PTGER3: variants seen among roughly 807,000 people sequenced by gnomAD.
The protein encoded by PTGER3 is prostaglandin E2 receptor EP3 subtype.
Under a neutral mutation model 34.7 loss-of-function variants are expected in PTGER3, and 22 were observed. That is an observed-to-expected ratio of 0.63 (90% CI 0.45 to 0.91). The LOEUF (loss-of-function observed/expected upper bound fraction) is 0.91, where lower values mean the gene tolerates loss of function less well. Ranked by LOEUF, PTGER3 falls within the 40% of genes least tolerant of loss-of-function variation. The probability of loss-of-function intolerance (pLI) is 0.00; values close to 1 mark genes in which losing one functional copy is unlikely to be tolerated. For missense variants in PTGER3, 468 were observed against 519.4 expected (o/e 0.90, Z 0.96); for synonymous variants, 241 against 230.1 (o/e 1.05, Z -0.43).
intron 4 of PTGER3, among the ~76,000 whole-genome samples, chr1:70,915,885 A>G (rs577625255): frequency 6.6e-6 from 1 of 152,126 alleles, no homozygotes; most frequent in East Asian, 1.9e-4. Flanking sequence ...AAAAACTGAC[A>G]AGTGAGACCT....
chr1:70,994,511 G>GCC (rs1028802137), intron 2 of PTGER3, among the ~76,000 whole-genome samples: 7 of 150,598 alleles, frequency 4.6e-5, no homozygotes, highest in African/African-American at 1.5e-4. Flanking sequence ...AGGCTGCAGT[G>GCC]CAGTAGTGCG....
At chr1:70,919,236 T>C (rs1199272050) in intron 4 of PTGER3, among the ~76,000 whole-genome samples, 1 of 152,166 alleles carries the variant, frequency 6.6e-6, no homozygotes, top group East Asian at 1.9e-4. Context: ...AAATAGACCC[T>C]GAGTTTTGAA....
At chr1:70,862,433 A>C in intron 4 of PTGER3, 1 of 1,273,788 alleles carries the variant, frequency 7.9e-7, no homozygotes, top group Non-Finnish European at 1.1e-6. Context: ...ATTGTGCTGA[A>C]AAAGTCCTGC....
At position 70,921,701 on chromosome 1, in the gene PTGER3, C is replaced by T. The variant is rs546954494; in HGVS notation, c.*23+32062G>A. On this transcript the variant is annotated intron_variant, in intron 4 of 4. Coordinates refer to the PTGER3 transcript ENST00000370931. ...ACTGGATGAAGTTTCCCTCTTGTCT[C>T]TTGTATGTCCTTGGGAGCTTGACCT... is the stretch of plus-strand genomic sequence containing the variant. Among the ~76,000 whole-genome samples the T allele has an allele frequency of 2.0e-5, 3 of 152,244 alleles. No individual in the cohort carries two copies. The South Asian group carries it at 6.2e-4, about 32-fold the overall frequency.
chr1:70,925,611 C>T (rs1647995688), intron 4 of PTGER3, among the ~76,000 whole-genome samples: 1 of 152,036 alleles, frequency 6.6e-6, no homozygotes, highest in Non-Finnish European at 1.5e-5. Context: ...TGAACCACAG[C>T]TTCATGCAAA....
intron 4 of PTGER3, among the ~76,000 whole-genome samples, chr1:70,875,004 A>G (rs1646244874): frequency 6.6e-6 from 1 of 152,190 alleles, no homozygotes; most frequent in African/African-American, 2.4e-5. Context: ...GCATTCTGAC[A>G]CAAATGCAGT....
At chr1:71,012,733 C>A (rs527993105) in intron 1 of PTGER3, among the ~76,000 whole-genome samples, 2 of 152,076 alleles carry the variant, frequency 1.3e-5, no homozygotes, top group African/African-American at 4.8e-5. Flanking sequence ...GCTCTTGATT[C>A]TTGGAATTTA....
chr1:70,971,524 G>C lies in PTGER3; in HGVS notation c.*206C>G, dbSNP rs2100676084. 1 of 1,220,904 alleles carries C rather than the reference G, an allele frequency of 8.2e-7. No individual in the cohort carries two copies. Among genetic ancestry groups the C allele is most frequent in the East Asian group, 3.4e-5 (1 of 29,510 alleles). The allele number at this position is 1,220,904 out of a possible 1,614,324, so 75.6% of individuals were successfully genotyped here. A position where few individuals can be genotyped will look rare whatever the true frequency, so the allele number is the denominator to read the frequency against. Reference sequence around the variant, plus strand: ...AATGCATATTCAAAATCCCATCCAAGAAACCAATCTAATATTCAGAGGCAT... The same window carrying C: ...AATGCATATTCAAAATCCCATCCAACAAACCAATCTAATATTCAGAGGCAT... On this transcript the variant is annotated 3_prime_UTR_variant, in exon 4 of 4. Coordinates refer to ENST00000306666, the MANE Select transcript of PTGER3 (RefSeq NM_198719.2).
At chr1:70,987,788 C>T (rs752884649) in intron 2 of PTGER3, among the ~76,000 whole-genome samples, 1 of 152,170 alleles carries the variant, frequency 6.6e-6, no homozygotes, top group Non-Finnish European at 1.5e-5. Context: ...CTAGCAGAAG[C>T]TGTCAAGGGT....
At chr1:70,990,772 A>C (rs891383423) in intron 2 of PTGER3, among the ~76,000 whole-genome samples, 3 of 152,116 alleles carry the variant, frequency 2.0e-5, no homozygotes, top group Non-Finnish European at 4.4e-5. Context: ...GAGCAACTGC[A>C]CCTGGCTGGA....
intron 1 of PTGER3, among the ~76,000 whole-genome samples, chr1:71,031,748 GA>G (rs1325212188): frequency 6.6e-6 from 1 of 152,150 alleles, no homozygotes; most frequent in African/African-American, 2.4e-5. Flanking sequence ...GTGAGCTCCT[GA>G]AATCCTTCTA....
intron 1 of PTGER3, among the ~76,000 whole-genome samples, chr1:71,040,595 G>A (rs550496839): frequency 9.2e-5 from 14 of 151,936 alleles, no homozygotes; most frequent in South Asian, 2.1e-4. Context: ...AGGCAACAGC[G>A]AGACTTTGTC....
intron 1 of PTGER3, among the ~76,000 whole-genome samples, chr1:71,032,117 C>T (rs1659459980): frequency 6.6e-6 from 1 of 152,146 alleles, no homozygotes; most frequent in South Asian, 2.1e-4. Flanking sequence ...AACATAAAAC[C>T]CAGACTACAA....
At chr1:70,863,574 C>T (rs1430158536) in intron 4 of PTGER3, among the ~76,000 whole-genome samples, 1 of 152,160 alleles carries the variant, frequency 6.6e-6, no homozygotes, top group East Asian at 1.9e-4. Flanking sequence ...AAGATCCATT[C>T]ATGAGTTACG....
intron 4 of PTGER3, among the ~76,000 whole-genome samples, chr1:70,945,456 G>C (rs1650138556): frequency 6.6e-6 from 1 of 152,104 alleles, no homozygotes; most frequent in South Asian, 2.1e-4. Context: ...AAGTAACTCT[G>C]CTAGACTGAA....
rs770481279 is a variant in PTGER3, at chr1:71,046,896, G to A, written c.682C>T (p.Leu228Phe). 28 of 1,612,796 alleles carry A rather than the reference G, an allele frequency of 1.7e-5. No individual in the cohort carries two copies. The Admixed American group carries it at 4.2e-4, about 24-fold the overall frequency. ...AAGGCAAAGGCAGAGGCGAAGAAAA[G>A]GTTGCCCCAGTTATGCGAAGAGCTA... The part of the protein sequence containing the change: ...GTSSSHNWGN[L>F]FFASAFAFLG... The change falls in exon 1 of 4, where the codon CTT (leucine) becomes TTT (phenylalanine). Residue 228 changes from leucine to phenylalanine, a missense_variant. Leu to Phe is a conservative substitution (Grantham distance 22, BLOSUM62 0). Transcript: ENST00000306666.
chr1:70,856,560 C>A (rs1052951143), intron 4 of PTGER3, among the ~76,000 whole-genome samples: 1 of 151,872 alleles, frequency 6.6e-6, no homozygotes, highest in Non-Finnish European at 1.5e-5. Flanking sequence ...GCAAAACAAT[C>A]AATTACTGAA....
chr1:70,855,092 A>G (rs1005787073), intron 4 of PTGER3, among the ~76,000 whole-genome samples: 4 of 152,224 alleles, frequency 2.6e-5, no homozygotes, highest in Admixed American at 2.0e-4. Flanking sequence ...TGACATATAA[A>G]TGGATACAGA....
At chr1:70,965,796 G>A (rs1490172525), downstream of PTGER3, among the ~76,000 whole-genome samples, 1 of 152,062 alleles carries the variant, frequency 6.6e-6, no homozygotes, top group East Asian at 1.9e-4. Flanking sequence ...TCATTGTTCT[G>A]TGGTTTAGCG....
Sources: gnomAD v4.1 joint callset for allele counts (sites outside exome capture counted in the v4.1 genomes callset) on GRCh38, gnomAD v4.1.1 for gene constraint, MANE v1.5 for transcripts, NCBI Gene and HGNC (gene_info 2026-07-23, HGNC 2026-07-21) for gene names.